Variants in TSSC4 observed in about 807,000 individuals in gnomAD.
TSSC4 encodes U5 small nuclear ribonucleoprotein TSSC4.
For synonymous variants in TSSC4, 259 were observed against 197.9 expected, an observed-to-expected ratio of 1.31 and a Z score of -2.59; for missense variants, 500 against 443.9, an observed-to-expected ratio of 1.13 and a Z score of -1.14.
At chr11:2,401,648 G>A (rs1185208728) in intron 1 of TSSC4, among the ~76,000 whole-genome samples, 1 of 152,206 alleles carries the variant, frequency 6.6e-6, no homozygotes, top group Non-Finnish European at 1.5e-5. Flanking sequence ...AGTGCAGAAG[G>A]GTGTGGCTGG....
In TSSC4 at chr11:2,403,615, G is replaced by A; in HGVS notation, c.982G>A (p.Glu328Lys). The A allele has an allele frequency of 6.6e-7, 1 of 1,514,490 alleles. No individual in the cohort carries two copies. The allele number at this position is 1,514,490 out of a possible 1,614,324, so 93.8% of individuals were successfully genotyped here. Residue 328 changes from glutamate to lysine, a missense_variant, in exon 3 of 3, where the codon GAG (glutamate) becomes AAG (lysine). Physicochemically the swap from Glu to Lys is moderately conservative, Grantham distance 56. Transcript: ENST00000333256. ...CAGCAGCCCCGAGGACCCAGGTGCT[G>A]AGGTCTGAGAGGGAGATGGCCCAGC... ...KSSSPEDPGA[E>K]V
rs1850196813 is a variant in TSSC4 at position 2,402,931 on chromosome 11, C to T, written c.298C>T (p.Leu100=). The T allele has an allele frequency of 1.9e-6, 3 of 1,611,692 alleles. No individual in the cohort carries two copies. The highest frequency in any genetic ancestry group is 8.5e-7 in the Non-Finnish European group (1 of 1,179,594). ...GCGCAGCCGTGACATCTTTGACTGC[C>T]TGGAGGGGGCGGCCAGACGGGCTCC... ...SQRSRDIFDC[L]EGAARRAPSS... The change falls in exon 3 of 3, where the codon CTG becomes TTG. Residue 100 remains leucine (L), a synonymous_variant. Transcript: ENST00000333256.
At position 2,402,778 on chromosome 11, in the gene TSSC4, CT is replaced by C. The variant is rs1850189815; in HGVS notation, c.146del (p.Leu49ArgfsTer34). 6.4e-7 allele frequency: 1 copy of C among 1,572,448 alleles called. No individual in the cohort carries two copies. Among genetic ancestry groups the C allele is most frequent in the African/African-American group, 1.4e-5 (1 of 74,026 alleles). On this transcript the variant is annotated frameshift_variant, in exon 3 of 3. Coordinates refer to ENST00000333256, the MANE Select transcript of TSSC4 (RefSeq NM_005706.4). LOFTEE classifies it low-confidence loss of function (END_TRUNC). ...GCCCGGTGGTGCTGAAGTGGAAGCACTGTCCCCGATGGGGCTGCCTGGGGAG... is the reference window on the plus strand; with the variant it reads ...GCCCGGTGGTGCTGAAGTGGAAGCACGTCCCCGATGGGGCTGCCTGGGGAG... The part of the protein sequence containing the change: ...SLPGGAEVEA[L>X]SPMGLPGEED...
rs780766272 is a variant in TSSC4, at chr11:2,403,505, G to A, written c.872G>A (p.Gly291Glu). The A allele has an allele frequency of 1.2e-6, 2 of 1,600,690 alleles. No homozygotes were observed. Among genetic ancestry groups the A allele is most frequent in the Non-Finnish European group, 1.7e-6 (2 of 1,173,268 alleles). Reference protein sequence around the residue: ...VEALSGSVHSGSVPGLPPVET... With the variant: ...VEALSGSVHSESVPGLPPVET... Reference sequence around the variant, plus strand: ...GCACTGTCAGGGTCTGTCCACAGTGGGTCTGTGCCAGGTCTCCCGCCGGTG... The same window carrying A: ...GCACTGTCAGGGTCTGTCCACAGTGAGTCTGTGCCAGGTCTCCCGCCGGTG... The change falls in exon 3 of 3, where the codon GGG (glycine) becomes GAG (glutamate). Residue 291 changes from glycine to glutamate, a missense_variant. Coordinates refer to ENST00000333256, the MANE Select transcript of TSSC4 (RefSeq NM_005706.4).
chr11:2,402,623 CCTG>C lies in TSSC4; in HGVS notation c.-10_-8del. Reference sequence around the variant, plus strand: ...TGTTTTGGTTTAGGTGTGGCGTGGCCCTGGGGACGCATGGCTGAGGCAGGAACA... The same window carrying C: ...TGTTTTGGTTTAGGTGTGGCGTGGCCGGGACGCATGGCTGAGGCAGGAACA... On this transcript the variant is annotated 5_prime_UTR_variant, in exon 3 of 3. Transcript: ENST00000333256. 6.3e-7 allele frequency: 1 copy of C among 1,583,678 alleles called. No homozygotes were observed. Among genetic ancestry groups the C allele is most frequent in the Non-Finnish European group, 8.6e-7 (1 of 1,161,052 alleles).
In TSSC4 at chr11:2,403,450, A is replaced by G. The variant is rs1850236158; in HGVS notation, c.817A>G (p.Ser273Gly). Residue 273 changes from serine to glycine, a missense_variant, in exon 3 of 3, where the codon AGC becomes GGC. Transcript: ENST00000333256. ...PGSPEAEEWG[S>G]HHGGLQEVEA... Reference sequence around the variant, plus strand: ...GAGCCCAGAGGCTGAGGAGTGGGGCAGCCACCATGGAGGCCTGCAGGAGGT... The same window carrying G: ...GAGCCCAGAGGCTGAGGAGTGGGGCGGCCACCATGGAGGCCTGCAGGAGGT... The G allele has an allele frequency of 3.1e-6, 5 of 1,596,586 alleles. No individual in the cohort carries two copies. In the East Asian group the frequency reaches 1.1e-4, roughly 36 times the overall value.
Position 2,400,787 on chromosome 11 carries a change from A to T in TSSC4, c.-192A>T, listed in dbSNP as rs1395635419. The T allele has an allele frequency of 6.6e-6, 1 of 151,984 alleles. No individual in the cohort carries two copies. The highest frequency in any genetic ancestry group is 2.4e-5 in the African/African-American group (1 of 41,392). 9.4% of individuals were successfully genotyped at this position (151,984 alleles called of 1,614,324 possible). ...CCGACCAAGATGGAGACTGCCGAGC[A>T]GCCTTGAGCCGGTAGGTTTGTGGTG... is the stretch of plus-strand genomic sequence containing the variant. On this transcript the variant is annotated 5_prime_UTR_variant, in exon 1 of 3. Transcript: ENST00000333256.
In TSSC4 at chr11:2,402,287, C is replaced by T. The variant is rs1850170259; in HGVS notation, c.-180-7C>T. The T allele has an allele frequency of 3.4e-6, 1 of 291,892 alleles. No individual in the cohort carries two copies. Among genetic ancestry groups the T allele is most frequent in the Admixed American group, 4.8e-5 (1 of 20,976 alleles). 18.1% of individuals were successfully genotyped at this position (291,892 alleles called of 1,614,324 possible). A position where few individuals can be genotyped will look rare whatever the true frequency, so the allele number is the denominator to read the frequency against. Reference sequence around the variant, plus strand: ...TTGGTCCTCTCCCCCACCCCACCCACCTGCAGTTGAGCAGCTGAACAGAGG... The same window carrying T: ...TTGGTCCTCTCCCCCACCCCACCCATCTGCAGTTGAGCAGCTGAACAGAGG... On this transcript the variant is annotated splice_region_variant and splice_polypyrimidine_tract_variant and intron_variant, in intron 1 of 2. Coordinates refer to ENST00000333256, the MANE Select transcript of TSSC4 (RefSeq NM_005706.4).
Position 2,402,363 on chromosome 11 carries a change from G to A in TSSC4, c.-111G>A, listed in dbSNP as rs1402653931. ...AGACGACCACGCCTGTGCCGCTGAGGACCTTCATCAGGGCTCCGTCCACTT... is the reference window on the plus strand; with the variant it reads ...AGACGACCACGCCTGTGCCGCTGAGAACCTTCATCAGGGCTCCGTCCACTT... On this transcript the variant is annotated 5_prime_UTR_variant, in exon 2 of 3. Coordinates refer to ENST00000333256, the MANE Select transcript of TSSC4 (RefSeq NM_005706.4). 1 of 499,204 alleles carries A rather than the reference G, an allele frequency of 2.0e-6. No individual in the cohort carries two copies. The highest frequency in any genetic ancestry group is 3.6e-6 in the Non-Finnish European group (1 of 278,100). The allele number at this position is 499,204 out of a possible 1,614,324, so 30.9% of individuals were successfully genotyped here. A position where few individuals can be genotyped will look rare whatever the true frequency, so the allele number is the denominator to read the frequency against.
chr11:2,402,807 G>T lies in TSSC4; in HGVS notation c.174G>T (p.Glu58Asp). Residue 58 changes from glutamate (E) to aspartate (D), a missense_variant, in exon 3 of 3, where the codon GAG becomes GAT. Coordinates refer to ENST00000333256, the MANE Select transcript of TSSC4 (RefSeq NM_005706.4). ...CCCCGATGGGGCTGCCTGGGGAGGA[G>T]GATTCAGGTCCTGATGAGCCGCCCT... ...ALSPMGLPGE[E>D]DSGPDEPPSP... The T allele has an allele frequency of 1.3e-6, 2 of 1,585,254 alleles. No homozygotes were observed. The highest frequency in any genetic ancestry group is 1.1e-5 in the South Asian group (1 of 87,438).
Position 2,403,726 on chromosome 11 carries a change from A to T in TSSC4, c.*103A>T. 7.9e-7 allele frequency: 1 copy of T among 1,264,420 alleles called. No individual in the cohort carries two copies. Among genetic ancestry groups the T allele is most frequent in the Non-Finnish European group, 1.0e-6 (1 of 955,628 alleles). 78.3% of individuals were successfully genotyped at this position (1,264,420 alleles called of 1,614,324 possible). ...CTGGCCACTGCCTAGCTGGAATGGG[A>T]GGAAGCCTGCAGGTGGCACCGGTGG... On this transcript the variant is annotated 3_prime_UTR_variant, in exon 3 of 3. Transcript: ENST00000333256.
intron 1 of TSSC4, chr11:2,401,020 A>G (rs541928538): frequency 1.2e-4 from 19 of 152,152 alleles, no homozygotes; most frequent in African/African-American, 4.3e-4. Context: ...CTTGGCACCG[A>G]GAGTTCGTTT....
At position 2,402,350 on chromosome 11, in the gene TSSC4, C is replaced by T. The variant is rs764635571; in HGVS notation, c.-124C>T. Reference sequence around the variant, plus strand: ...ACTCCGAGGCCTGAGACGACCACGCCTGTGCCGCTGAGGACCTTCATCAGG... The same window carrying T: ...ACTCCGAGGCCTGAGACGACCACGCTTGTGCCGCTGAGGACCTTCATCAGG... On this transcript the variant is annotated 5_prime_UTR_variant, in exon 2 of 3. Transcript: ENST00000333256. 34 of 470,420 alleles carry T rather than the reference C, an allele frequency of 7.2e-5. No homozygotes were observed. The highest frequency in any genetic ancestry group is 1.2e-4 in the Non-Finnish European group (32 of 260,576). 29.1% of individuals were successfully genotyped at this position (470,420 alleles called of 1,614,324 possible).
rs1481885674 is a variant in TSSC4 at position 2,403,589 on chromosome 11, G to A, written c.956G>A (p.Ser319Asn). Residue 319 changes from serine (S) to asparagine (N), a missense_variant, in exon 3 of 3, where the codon AGC (serine) becomes AAC (asparagine). Ser to Asn is a conservative substitution (Grantham distance 46, BLOSUM62 1). Coordinates refer to ENST00000333256, the MANE Select transcript of TSSC4 (RefSeq NM_005706.4). Reference protein sequence around the residue: ...KRSRDHFRNKSSSPEDPGAEV With the variant: ...KRSRDHFRNKNSSPEDPGAEV ...AGTCGAGACCACTTCCGGAACAAGA[G>A]CAGCAGCCCCGAGGACCCAGGTGCT... 9 of 1,542,494 alleles carry A rather than the reference G, an allele frequency of 5.8e-6. No homozygotes were observed. The highest frequency in any genetic ancestry group is 7.8e-6 in the Non-Finnish European group (9 of 1,146,690).
Position 2,403,554 on chromosome 11 carries a change from C to T in TSSC4, c.921C>T (p.Ser307=), listed in dbSNP as rs545673536. The T allele has an allele frequency of 2.5e-6, 4 of 1,581,084 alleles. No individual in the cohort carries two copies. The African/African-American group carries it at 4.1e-5, about 16-fold the overall frequency. Residue 307 remains serine, a synonymous_variant, in exon 3 of 3, where the codon AGC becomes AGT. Coordinates refer to ENST00000333256, the MANE Select transcript of TSSC4 (RefSeq NM_005706.4). ...TGGAAACTGTTGGCTTCCATGGCAG[C>T]AGGAAGCGGAGTCGAGACCACTTCC... ...PPVETVGFHG[S]RKRSRDHFRN...
chr11:2,402,620 G>A lies in TSSC4; in HGVS notation c.-14G>A, dbSNP rs1373674838. The stretch of plus-strand genomic sequence containing the variant: ...GGCTGTTTTGGTTTAGGTGTGGCGT[G>A]GCCCTGGGGACGCATGGCTGAGGCA... On this transcript the variant is annotated 5_prime_UTR_variant, in exon 3 of 3. Coordinates refer to ENST00000333256, the MANE Select transcript of TSSC4 (RefSeq NM_005706.4). 4 of 1,580,154 alleles carry A rather than the reference G, an allele frequency of 2.5e-6. No individual in the cohort carries two copies. The highest frequency in any genetic ancestry group is 2.3e-5 in the East Asian group (1 of 44,120).
intron 1 of TSSC4, chr11:2,401,205 A>G (rs947368966): frequency 2.6e-5 from 4 of 152,024 alleles, no homozygotes; most frequent in Non-Finnish European, 5.9e-5. Flanking sequence ...CGGAGTCCCT[A>G]TCTTGCAGCC....
Position 2,403,521 on chromosome 11 carries a change from C to T in TSSC4, c.888C>T (p.Leu296=), listed in dbSNP as rs748620924. 8 of 1,596,334 alleles carry T rather than the reference C, an allele frequency of 5.0e-6. No individual in the cohort carries two copies. Among genetic ancestry groups the T allele is most frequent in the South Asian group, 1.1e-5 (1 of 88,942 alleles). Residue 296 remains leucine (L), a synonymous_variant, in exon 3 of 3, where the codon CTC becomes CTT. Transcript: ENST00000333256. ...GSVHSGSVPG[L]PPVETVGFHG... ...TCCACAGTGGGTCTGTGCCAGGTCT[C>T]CCGCCGGTGGAAACTGTTGGCTTCC...
chr11:2,403,003 C>T lies in TSSC4; in HGVS notation c.370C>T (p.Arg124Trp), dbSNP rs746739443. The T allele has an allele frequency of 9.3e-5, 149 of 1,607,354 alleles. 1 individual carries two copies. In the Middle Eastern group the frequency reaches 9.9e-4, roughly 11 times the overall value. ...CATGAGTGACAACGGAGGCTTCAAG[C>T]GGCCCCTAGCGCCCTCAGGCCGGTC... ...TSMSDNGGFK[R>W]PLAPSGRSPV... The change falls in exon 3 of 3, where the codon CGG becomes TGG. Residue 124 changes from arginine to tryptophan, a missense_variant. By Grantham distance (101) the Arg-to-Trp change is moderately radical. Coordinates refer to ENST00000333256, the MANE Select transcript of TSSC4 (RefSeq NM_005706.4).
Sources: gnomAD v4.1 joint callset for allele counts (sites outside exome capture counted in the v4.1 genomes callset) on GRCh38, gnomAD v4.1.1 for gene constraint, MANE v1.5 for transcripts, NCBI Gene and HGNC (gene_info 2026-07-23, HGNC 2026-07-21) for gene names.